ROR1: variants seen among roughly 807,000 people sequenced by gnomAD.
The protein encoded by ROR1 is ROR family WNT receptor 1.
ROR1 carries 19 observed loss-of-function variants against 78.8 expected under a neutral mutation model. The observed-to-expected ratio is 0.24, with a 90% CI of 0.17 to 0.35. The LOEUF (loss-of-function observed/expected upper bound fraction) is 0.35. Ranked by LOEUF, ROR1 falls within the 10% of genes least tolerant of loss-of-function variation. The probability of loss-of-function intolerance (pLI) is 1.00; values close to 1 mark genes in which losing one functional copy is unlikely to be tolerated. For missense variants in ROR1, 917 were observed against 1,177.8 expected (o/e 0.78, Z 3.24); for synonymous variants, 386 against 433.6 (o/e 0.89, Z 1.36).
chr1:64,032,706 A>G (rs180876926), intron 2 of ROR1, among the ~76,000 whole-genome samples: 23 of 152,314 alleles, frequency 1.5e-4, no homozygotes, highest in Admixed American at 1.5e-3. Flanking sequence ...GGAGGATGCT[A>G]TCAGGGAAGT....
Position 63,928,211 on chromosome 1 carries a change from G to A in ROR1, c.92-81094G>A, listed in dbSNP as rs149624243. 5.6e-3 allele frequency among the ~76,000 whole-genome samples: 852 copies of A among 152,236 alleles called. 6 individuals carry two copies. The highest frequency in any genetic ancestry group is 7.8e-3 in the Non-Finnish European group (528 of 68,018). On this transcript the variant is annotated intron_variant, in intron 1 of 8. Coordinates refer to ENST00000371079, the MANE Select transcript of ROR1 (RefSeq NM_005012.4). ...GAGTAATTAACTTATTTTGGAGGACGGATTTACTTAGGAAAGCTCCAACTG... is the reference window on the plus strand; with the variant it reads ...GAGTAATTAACTTATTTTGGAGGACAGATTTACTTAGGAAAGCTCCAACTG...
chr1:64,003,188 C>CT (rs1271530090), intron 1 of ROR1, among the ~76,000 whole-genome samples: 1 of 151,890 alleles, frequency 6.6e-6, no homozygotes, highest in African/African-American at 2.4e-5. Flanking sequence ...CTTTTCCTTC[C>CT]TTTTTTTTCT....
intron 1 of ROR1, among the ~76,000 whole-genome samples, chr1:63,976,672 C>CT (rs1646163618): frequency 6.6e-6 from 1 of 152,102 alleles, no homozygotes. Context: ...TTGTCAGTCA[C>CT]TTGGTCATAT....
chr1:63,952,638 A>G (rs1645949666), intron 1 of ROR1, among the ~76,000 whole-genome samples: 1 of 152,156 alleles, frequency 6.6e-6, no homozygotes, highest in African/African-American at 2.4e-5. Context: ...ATGAGGTTGC[A>G]AAGGTACCTT....
At chr1:63,917,575 C>CA (rs1645618584) in intron 1 of ROR1, among the ~76,000 whole-genome samples, 1 of 152,168 alleles carries the variant, frequency 6.6e-6, no homozygotes, top group South Asian at 2.1e-4. Context: ...TCTATTGTTT[C>CA]ATGGAAACCG....
intron 1 of ROR1, among the ~76,000 whole-genome samples, chr1:63,865,969 C>G (rs1459406617): frequency 6.6e-6 from 1 of 152,138 alleles, no homozygotes. Flanking sequence ...ACCCAACAAT[C>G]TTGAAGCTGT....
At chr1:63,920,599 G>A (rs556350092) in intron 1 of ROR1, among the ~76,000 whole-genome samples, 3 of 152,272 alleles carry the variant, frequency 2.0e-5, no homozygotes, top group Admixed American at 2.0e-4. Flanking sequence ...AAGACGAGAG[G>A]CAGATACAGA....
intron 1 of ROR1, among the ~76,000 whole-genome samples, chr1:63,979,266 C>T (rs1012693582): frequency 2.6e-5 from 4 of 152,032 alleles, no homozygotes; most frequent in Non-Finnish European, 5.9e-5. Flanking sequence ...CTCGGGGGTA[C>T]TGTATCAAAT....
intron 1 of ROR1, among the ~76,000 whole-genome samples, chr1:63,890,857 A>G (rs1312201497): frequency 6.6e-6 from 1 of 152,134 alleles, no homozygotes; most frequent in Non-Finnish European, 1.5e-5. Flanking sequence ...CCAAATCCAA[A>G]TGTTGTCTAC....
intron 1 of ROR1, among the ~76,000 whole-genome samples, chr1:63,972,482 T>A (rs530714406): frequency 9.8e-5 from 15 of 152,348 alleles, no homozygotes; most frequent in East Asian, 5.8e-4. Context: ...AGTAAGGTTT[T>A]TTTATTTATT....
intron 1 of ROR1, among the ~76,000 whole-genome samples, chr1:63,849,650 A>G (rs1384829684): frequency 2.0e-5 from 3 of 152,146 alleles, no homozygotes; most frequent in Admixed American, 6.5e-5. Flanking sequence ...GTGAGCAGTG[A>G]TGGTACCCCA....
chr1:64,076,940 G>C (rs1260767), intron 4 of ROR1, among the ~76,000 whole-genome samples: 78,091 of 152,000 alleles, frequency 0.51, 23,512 homozygotes, highest in African/African-American at 0.84. Flanking sequence ...GCTGTGTGAC[G>C]TTGGAAAACT....
At chr1:64,074,874 T>C (rs1469027731) in intron 4 of ROR1, among the ~76,000 whole-genome samples, 1 of 152,202 alleles carries the variant, frequency 6.6e-6, no homozygotes, top group East Asian at 1.9e-4. Context: ...TGAAGATAAA[T>C]AATAACCTGA....
At chr1:63,885,679 A>G (rs1645351920) in intron 1 of ROR1, among the ~76,000 whole-genome samples, 1 of 152,076 alleles carries the variant, frequency 6.6e-6, no homozygotes, top group Non-Finnish European at 1.5e-5. Flanking sequence ...CTCTTACCTA[A>G]TTATTTGCTT....
At chr1:63,865,014 C>A in intron 1 of ROR1, among the ~76,000 whole-genome samples, 1 of 152,180 alleles carries the variant, frequency 6.6e-6, no homozygotes, top group Non-Finnish European at 1.5e-5. Flanking sequence ...TTTCAAACCC[C>A]TGTAAAGAAT....
intron 4 of ROR1, among the ~76,000 whole-genome samples, chr1:64,088,765 A>G (rs1369220127): frequency 6.6e-6 from 1 of 152,186 alleles, no homozygotes; most frequent in Non-Finnish European, 1.5e-5. Context: ...CAAACCATAA[A>G]TTAAATGACA....
intron 1 of ROR1, among the ~76,000 whole-genome samples, chr1:63,896,069 A>G (rs1330241827): frequency 6.6e-6 from 1 of 152,150 alleles, no homozygotes; most frequent in African/African-American, 2.4e-5. Flanking sequence ...ATGAGTGGCT[A>G]ACCCCTGCTT....
At chr1:64,089,867 T>A (rs1277558648) in intron 4 of ROR1, among the ~76,000 whole-genome samples, 1 of 152,172 alleles carries the variant, frequency 6.6e-6, no homozygotes, top group Non-Finnish European at 1.5e-5. Flanking sequence ...TGGTGGGAGA[T>A]AATTGAATCG....
chr1:64,003,641 A>G (rs12083702), intron 1 of ROR1, among the ~76,000 whole-genome samples: 3,687 of 152,146 alleles, frequency 0.024, 157 homozygotes, highest in African/African-American at 0.084. Flanking sequence ...AGGACCCCAG[A>G]TGTGGGGCAA....
Sources: gnomAD v4.1 joint callset for allele counts (sites outside exome capture counted in the v4.1 genomes callset) on GRCh38, gnomAD v4.1.1 for gene constraint, MANE v1.5 for transcripts, NCBI Gene and HGNC (gene_info 2026-07-23, HGNC 2026-07-21) for gene names.